Variants in PLCH1 observed in about 807,000 individuals in gnomAD.
The protein encoded by PLCH1 is 1-phosphatidylinositol 4,5-bisphosphate phosphodiesterase eta-1.
A neutral mutation model predicts 126.7 loss-of-function variants in PLCH1; 60 were observed. The observed-to-expected ratio is 0.47, with a 90% CI of 0.38 to 0.59. The LOEUF (loss-of-function observed/expected upper bound fraction) is 0.59. PLCH1 is among the 20% of genes least tolerant of loss of function. The pLI is 0.00. For synonymous variants in PLCH1, 719 were observed against 734.9 expected (o/e 0.98, Z 0.35); for missense variants, 1,723 against 2,040.0 (o/e 0.84, Z 2.99).
At chr3:155,621,526 C>A (rs945152376) in intron 2 of PLCH1, among the ~76,000 whole-genome samples, 1 of 152,088 alleles carries the variant, frequency 6.6e-6, no homozygotes, top group Non-Finnish European at 1.5e-5. Context: ...AAAGGTTAGA[C>A]GAATTGCTAA....
chr3:155,602,836 T>C (rs1418098729), intron 2 of PLCH1, among the ~76,000 whole-genome samples: 2 of 152,166 alleles, frequency 1.3e-5, no homozygotes, highest in African/African-American at 4.8e-5. Context: ...CACACACACA[T>C]ATATACATAT....
intron 1 of PLCH1, among the ~76,000 whole-genome samples, chr3:155,741,024 C>T (rs572100179): frequency 3.9e-5 from 6 of 152,328 alleles, no homozygotes; most frequent in Non-Finnish European, 7.3e-5. Flanking sequence ...GTCCCTTCTG[C>T]ATCTATCCTG....
intron 13 of PLCH1, 30 bp from the exon 14 acceptor site, chr3:155,500,824 AACTCATTGTATCAAGTAT>A: frequency 7.4e-7 from 1 of 1,355,552 alleles, no homozygotes; most frequent in Non-Finnish European, 1.1e-6. Context: ...AAACTTAACA[AACTCATTGTATCAAGTAT>A]ATTTACAACA....
intron 6 of PLCH1, among the ~76,000 whole-genome samples, chr3:155,580,540 A>T (rs1730535007): frequency 6.6e-6 from 1 of 152,146 alleles, no homozygotes; most frequent in South Asian, 2.1e-4. Context: ...AGAGTAACAT[A>T]ATTTTCCAGG....
At chr3:155,495,040 T>A (rs960786436) in intron 15 of PLCH1, among the ~76,000 whole-genome samples, 1 of 152,050 alleles carries the variant, frequency 6.6e-6, no homozygotes, top group South Asian at 2.1e-4. Context: ...AAATAAAAAG[T>A]TGAGTTTTAA....
chr3:155,609,860 T>G (rs1245517768), intron 2 of PLCH1, among the ~76,000 whole-genome samples: 1 of 151,920 alleles, frequency 6.6e-6, no homozygotes, highest in Non-Finnish European at 1.5e-5. Flanking sequence ...AAAAGAATTT[T>G]AAAAAAGAAC....
chr3:155,656,166 A>ACCC (rs11379639), intron 2 of PLCH1, among the ~76,000 whole-genome samples: 47 of 148,350 alleles, frequency 3.2e-4, no homozygotes, highest in Non-Finnish European at 4.3e-4. Context: ...AGAGAAAATT[A>ACCC]CCCCCCCCCA....
chr3:155,606,048 A>AT (rs899747774), intron 2 of PLCH1, among the ~76,000 whole-genome samples: 20 of 151,912 alleles, frequency 1.3e-4, no homozygotes, highest in African/African-American at 4.3e-4. Context: ...ATTTTAAAGA[A>AT]TTTTTTTTTA....
intron 2 of PLCH1, among the ~76,000 whole-genome samples, chr3:155,656,173 C>G (rs916196865): frequency 6.6e-5 from 10 of 151,016 alleles, no homozygotes; most frequent in African/African-American, 1.9e-4. Context: ...ATTACCCCCC[C>G]CCAAATAAAA....
intron 2 of PLCH1, among the ~76,000 whole-genome samples, chr3:155,697,124 T>A (rs1745881422): frequency 6.6e-6 from 1 of 152,178 alleles, no homozygotes; most frequent in Admixed American, 6.5e-5. Context: ...TTGAATTAGA[T>A]TCCCGATGAG....
chr3:155,715,991 A>T (rs1747477337), intron 1 of PLCH1, among the ~76,000 whole-genome samples: 1 of 152,102 alleles, frequency 6.6e-6, no homozygotes, highest in South Asian at 2.1e-4. Flanking sequence ...TCATCTTTTT[A>T]AATATAAGTA....
At chr3:155,636,672 C>T (rs777012607) in intron 2 of PLCH1, among the ~76,000 whole-genome samples, 5 of 151,086 alleles carry the variant, frequency 3.3e-5, no homozygotes, top group Non-Finnish European at 7.4e-5. Flanking sequence ...CACTTGAACC[C>T]GGAGTGGAGG....
chr3:155,613,237 A>T (rs1167280213), intron 2 of PLCH1, among the ~76,000 whole-genome samples: 1 of 152,198 alleles, frequency 6.6e-6, no homozygotes, highest in Non-Finnish European at 1.5e-5. Flanking sequence ...AAGAACTGGT[A>T]CCAATCCTAT....
At chr3:155,597,621 T>C (rs1733145324) in intron 2 of PLCH1, among the ~76,000 whole-genome samples, 2 of 152,188 alleles carry the variant, frequency 1.3e-5, no homozygotes, top group African/African-American at 4.8e-5. Context: ...ATTAGACTTC[T>C]GCTTTTTTGG....
At chr3:155,515,433 CA>C (rs1376535456) in intron 11 of PLCH1, among the ~76,000 whole-genome samples, 14 of 152,210 alleles carry the variant, frequency 9.2e-5, no homozygotes, top group Non-Finnish European at 2.1e-4. Context: ...ATGGAAATTT[CA>C]GGAGTTGAGG....
chr3:155,520,061 C>T (rs1720881519), intron 11 of PLCH1, among the ~76,000 whole-genome samples: 1 of 152,142 alleles, frequency 6.6e-6, no homozygotes, highest in Admixed American at 6.5e-5. Context: ...AAGGACCAGT[C>T]ATATCCATGT....
chr3:155,530,568 C>T (rs566171248), intron 10 of PLCH1, among the ~76,000 whole-genome samples: 4 of 111,440 alleles, frequency 3.6e-5, no homozygotes, highest in East Asian at 4.3e-4. Flanking sequence ...CTGCCCACCT[C>T]GGTCTCCCAC....
chr3:155,723,466 T>G, intron 1 of PLCH1, among the ~76,000 whole-genome samples: 1 of 152,198 alleles, frequency 6.6e-6, no homozygotes, highest in East Asian at 1.9e-4. Flanking sequence ...CCTTTTCTTC[T>G]GCTGGGTTTG....
chr3:155,730,858 C>G (rs1253004080), intron 1 of PLCH1, among the ~76,000 whole-genome samples: 2 of 152,172 alleles, frequency 1.3e-5, no homozygotes, highest in African/African-American at 4.8e-5. Flanking sequence ...GAGATACCCT[C>G]TGCTTGGGGG....
Sources: allele counts gnomAD v4.1 joint callset (sites outside exome capture counted in the v4.1 genomes callset), GRCh38; gene constraint gnomAD v4.1.1; transcripts MANE v1.5; gene names NCBI Gene and HGNC (gene_info 2026-07-23, HGNC 2026-07-21).